The following MEGF11 variants were observed in gnomAD, a reference collection of about 807,000 sequenced individuals.
The protein encoded by MEGF11 is multiple EGF like domains 11, also known as multiple epidermal growth factor-like domains protein 11.
A neutral mutation model predicts 146.6 loss-of-function variants in MEGF11; 126 were observed. That is an observed-to-expected ratio of 0.86 (90% CI 0.74 to 1.00). The LOEUF is 1.00. MEGF11 is among the 50% of genes least tolerant of loss of function. The pLI, the probability that MEGF11 is intolerant of heterozygous loss-of-function variation, is 0.00. For missense variants in MEGF11, 1,509 were observed against 1,521.2 expected, an observed-to-expected ratio of 0.99 and a Z score of 0.13; for synonymous variants, 532 against 583.4, an observed-to-expected ratio of 0.91 and a Z score of 1.27.
At chr15:65,906,270 TGCTAGAAAATGA>T in intron 23 of MEGF11, 129 bp from the exon 24 acceptor site, 3 of 641,342 alleles carry the variant, frequency 4.7e-6, no homozygotes, top group Non-Finnish European at 8.1e-6. Context: ...AGTTGTTTAT[TGCTAGAAAATGA>T]TTCTGGGGGT....
chr15:66,219,565 T>C (rs1171480680), intron 1 of MEGF11, among the ~76,000 whole-genome samples: 1 of 152,182 alleles, frequency 6.6e-6, no homozygotes, highest in Non-Finnish European at 1.5e-5. Flanking sequence ...CCACACCCAA[T>C]GCTGGCAAGG....
intron 1 of MEGF11, among the ~76,000 whole-genome samples, chr15:66,185,999 CG>C (rs2090687862): frequency 6.6e-6 from 1 of 152,162 alleles, no homozygotes; most frequent in South Asian, 2.1e-4. Flanking sequence ...ACTGAGGCAT[CG>C]GGACCACTTC....
At chr15:66,244,121 G>A (rs1459151924) in intron 1 of MEGF11, among the ~76,000 whole-genome samples, 2 of 152,128 alleles carry the variant, frequency 1.3e-5, no homozygotes, top group African/African-American at 2.4e-5. Flanking sequence ...AAATACATGC[G>A]CCTGAGAAGT....
At chr15:66,199,494 A>T (rs2091096687) in intron 1 of MEGF11, among the ~76,000 whole-genome samples, 1 of 152,184 alleles carries the variant, frequency 6.6e-6, no homozygotes, top group African/African-American at 2.4e-5. Flanking sequence ...CAACTGGGCC[A>T]GGACCCTGCT....
chr15:66,216,695 G>A (rs1240001153), intron 1 of MEGF11, among the ~76,000 whole-genome samples: 1 of 152,156 alleles, frequency 6.6e-6, no homozygotes, highest in Non-Finnish European at 1.5e-5. Context: ...CAGAAATCTG[G>A]GCTAGATTTT....
chr15:66,124,964 C>A (rs1284033641), intron 2 of MEGF11, among the ~76,000 whole-genome samples: 2 of 152,244 alleles, frequency 1.3e-5, no homozygotes, highest in Non-Finnish European at 2.9e-5. Context: ...CCAGAAGGCT[C>A]ACTGACCTGG....
rs60932678 is a variant in MEGF11, at chr15:66,033,078, C to CA, written c.395-50591dup. ...CCTGGGTGACAGAGTGAGACTCCAT[C>CA]AAAAAAAAAAAAAAAAAAAAAAAAA... On this transcript the variant is annotated intron_variant, in intron 5 of 25. Transcript: ENST00000395614. Among the ~76,000 whole-genome samples, 89 of 80,608 alleles carry CA rather than the reference C, an allele frequency of 1.1e-3. 5 individuals carry two copies. The highest frequency in any genetic ancestry group is 4.3e-3 in the African/African-American group (81 of 18,672). The allele number at this position is 80,608 out of a possible 152,430, so 52.9% of individuals were successfully genotyped here. A position where few individuals can be genotyped will look rare whatever the true frequency, so the allele number is the denominator to read the frequency against.
intron 5 of MEGF11, among the ~76,000 whole-genome samples, chr15:66,026,412 G>A (rs533371651): frequency 5.3e-5 from 8 of 152,296 alleles, no homozygotes; most frequent in Middle Eastern, 3.4e-3. Context: ...CTCAGGAAAC[G>A]CTTGTGGAAT....
intron 8 of MEGF11, among the ~76,000 whole-genome samples, chr15:65,965,648 CCT>C (rs1456357466): frequency 2.0e-5 from 2 of 99,710 alleles, no homozygotes; most frequent in Admixed American, 2.6e-4. Flanking sequence ...TTCTTTTCGC[CCT>C]CTGAGGATGC....
intron 1 of MEGF11, among the ~76,000 whole-genome samples, chr15:66,244,098 GAC>G (rs564006186): frequency 7.9e-5 from 12 of 152,204 alleles, no homozygotes; most frequent in Non-Finnish European, 1.5e-4. Context: ...GTTGTTGTAA[GAC>G]ACAGTCTAGA....
chr15:66,054,622 A>G (rs1303678123), intron 5 of MEGF11, among the ~76,000 whole-genome samples: 1 of 152,226 alleles, frequency 6.6e-6, no homozygotes, highest in African/African-American at 2.4e-5. Context: ...GTGAGCACAC[A>G]TGTTGAACAC....
At chr15:65,954,087 A>C (rs2080495209) in intron 10 of MEGF11, among the ~76,000 whole-genome samples, 1 of 152,132 alleles carries the variant, frequency 6.6e-6, no homozygotes, top group East Asian at 1.9e-4. Flanking sequence ...CATCGTTCAG[A>C]TAGGGAAATG....
intron 5 of MEGF11, among the ~76,000 whole-genome samples, chr15:66,025,297 T>C (rs918123342): frequency 6.6e-6 from 1 of 152,078 alleles, no homozygotes; most frequent in Non-Finnish European, 1.5e-5. Context: ...GAGGGGCTGG[T>C]CCCAGGCTGA....
intron 15 of MEGF11, among the ~76,000 whole-genome samples, chr15:65,920,877 A>G (rs992103689): frequency 1.3e-5 from 2 of 152,238 alleles, no homozygotes; most frequent in Non-Finnish European, 2.9e-5. Context: ...GATAAATCAG[A>G]CAACGCAGCA....
intron 1 of MEGF11, among the ~76,000 whole-genome samples, chr15:66,164,066 C>T (rs2090031783): frequency 6.6e-6 from 1 of 152,118 alleles, no homozygotes; most frequent in African/African-American, 2.4e-5. Flanking sequence ...AGGTTGTCTA[C>T]CTGGGGGCAG....
At chr15:66,117,238 G>A (rs1360944212) in intron 4 of MEGF11, among the ~76,000 whole-genome samples, 1 of 152,116 alleles carries the variant, frequency 6.6e-6, no homozygotes, top group Non-Finnish European at 1.5e-5. Flanking sequence ...ATTACTACCA[G>A]CACCTAGGGT....
chr15:66,112,193 G>A (rs539624430), intron 4 of MEGF11, among the ~76,000 whole-genome samples: 14 of 151,836 alleles, frequency 9.2e-5, no homozygotes, highest in Non-Finnish European at 1.9e-4. Context: ...AGAACTAATC[G>A]CTCGAGATAA....
At chr15:66,179,914 C>T (rs1322623785) in intron 1 of MEGF11, among the ~76,000 whole-genome samples, 3 of 146,978 alleles carry the variant, frequency 2.0e-5, no homozygotes, top group African/African-American at 7.5e-5. Context: ...CTCTCCTGGT[C>T]CTGGCCTGTC....
In MEGF11 at chr15:66,211,266, G is replaced by GT. The variant is rs2091437805; in HGVS notation, c.-9+42338dup. Among the ~76,000 whole-genome samples the GT allele has an allele frequency of 3.3e-5, 5 of 152,232 alleles. No individual in the cohort carries two copies. In the South Asian group the frequency reaches 1.0e-3, roughly 31 times the overall value. ...CAGCCGGGCTTGGTGGCTCACGCCT[G>GT]TAATCTCAGCACTTTGGGAGGCCAA... On this transcript the variant is annotated intron_variant, in intron 1 of 25. Transcript: ENST00000395614.
Sources: allele counts gnomAD v4.1 joint callset (sites outside exome capture counted in the v4.1 genomes callset), GRCh38; gene constraint gnomAD v4.1.1; transcripts MANE v1.5; gene names NCBI Gene and HGNC (gene_info 2026-07-23, HGNC 2026-07-21).